The following MUC22 variants were observed in gnomAD, a reference collection of about 807,000 sequenced individuals.
MUC22 encodes mucin-22.
In MUC22, 24 loss-of-function variants were observed where a neutral mutation model predicts 40.3. The ratio of observed to expected loss-of-function variants is 0.60; its 90% CI spans 0.43 to 0.84. The LOEUF is 0.84. Ranked by LOEUF, MUC22 falls within the 40% of genes least tolerant of loss-of-function variation. The pLI, the probability that MUC22 is intolerant of heterozygous loss-of-function variation, is 0.00. For synonymous variants in MUC22, 765 were observed against 844.5 expected (o/e 0.91, Z 1.63); for missense variants, 1,926 against 2,130.7 (o/e 0.90, Z 1.89).
intron 1 of MUC22, among the ~76,000 whole-genome samples, chr6:31,023,996 T>C (rs1581639344): frequency 6.6e-6 from 1 of 152,306 alleles, no homozygotes; most frequent in Non-Finnish European, 1.5e-5. Flanking sequence ...TGTCACCTGA[T>C]AGTATGCAAA....
chr6:31,007,663 A>G (rs2517402), upstream of MUC22, among the ~76,000 whole-genome samples: 22,440 of 152,114 alleles, frequency 0.15, 1,715 homozygotes, highest in Admixed American at 0.2. This position sits in a 1 kb window ranked among gnomAD's most constrained non-coding sequence, Gnocchi z 4.0. Context: ...CAGGTCATTC[A>G]AGGGCGAATT....
At chr6:31,017,625 G>A (rs1764325597) in intron 1 of MUC22, among the ~76,000 whole-genome samples, 1 of 152,190 alleles carries the variant, frequency 6.6e-6, no homozygotes, top group Non-Finnish European at 1.5e-5. Flanking sequence ...TATAGCTCAA[G>A]GTTTGTAAAT....
chr6:31,026,343 C>T lies in MUC22; in HGVS notation c.912C>T (p.Gly304=), dbSNP rs1296556961. The change falls in exon 2 of 4, where the codon GGC becomes GGT. Residue 304 remains glycine, a synonymous_variant. Transcript: ENST00000561890. ...AGACCACCACCCCCTCCCCCACAGG[C>T]TCTCAGACCACCATAGTCTCTATTT... 4.6e-5 allele frequency: 70 copies of T among 1,508,542 alleles called. 7 individuals are homozygous for T. Among genetic ancestry groups the T allele is most frequent in the Non-Finnish European group, 6.0e-5 (68 of 1,129,362 alleles). 93.4% of individuals were successfully genotyped at this position (1,508,542 alleles called of 1,614,324 possible). A position where few individuals can be genotyped will look rare whatever the true frequency, so the allele number is the denominator to read the frequency against.
exon 2 of MUC22, chr6:31,028,427 C>G: frequency 3.3e-6 from 5 of 1,532,626 alleles, no homozygotes; most frequent in African/African-American, 1.4e-5. Context: ...ACAGCCTCTA[C>G]TGAAGGCTCC....
Position 31,032,253 on chromosome 6 carries a change from G to C in MUC22, c.4727G>C (p.Gly1576Ala). 2.0e-6 allele frequency: 3 copies of C among 1,535,662 alleles called. No homozygotes were observed. The highest frequency in any genetic ancestry group is 1.7e-4 in the Middle Eastern group (1 of 5,988). The change falls in exon 3 of 4, where the codon GGA (glycine) becomes GCA (alanine). Residue 1576 changes from glycine (G) to alanine (A), a missense_variant. Transcript: ENST00000561890. This position sits in a 1 kb window ranked among gnomAD's most constrained non-coding sequence, Gnocchi z 4.1. The stretch of plus-strand genomic sequence containing the variant: ...TCCAGCTCTGTCACCATGGCCCCTG[G>C]AATGGACTTCACGGCCTCTGCTGCC...
At chr6:31,019,546 A>G (rs1244112769) in intron 1 of MUC22, among the ~76,000 whole-genome samples, 1 of 152,224 alleles carries the variant, frequency 6.6e-6, no homozygotes, top group Non-Finnish European at 1.5e-5. Flanking sequence ...GCAGTGGCCC[A>G]GAGAAGGATA....
intron 2 of MUC22, among the ~76,000 whole-genome samples, chr6:31,030,869 A>G (rs73727170): frequency 0.05 from 7,616 of 152,264 alleles, 403 homozygotes; most frequent in African/African-American, 0.13. Context: ...GTTTTACTGG[A>G]ACATAGTCAT....
intron 1 of MUC22, among the ~76,000 whole-genome samples, chr6:31,018,035 G>C (rs547578786): frequency 6.6e-6 from 1 of 152,190 alleles, no homozygotes; most frequent in African/African-American, 2.4e-5. Flanking sequence ...CTGAACATCA[G>C]AAGGAACAAA....
At chr6:31,014,776 A>G (rs28360978) in intron 1 of MUC22, among the ~76,000 whole-genome samples, 7,397 of 152,280 alleles carry the variant, frequency 0.049, 226 homozygotes, top group South Asian at 0.12. Context: ...CGTCTTCAAC[A>G]TATGGTTTCC....
chr6:31,027,826 T>G (rs866076364), exon 2 of MUC22: 2 of 1,534,520 alleles, frequency 1.3e-6, no homozygotes, highest in African/African-American at 2.7e-5. Flanking sequence ...CACTACAGTT[T>G]CCACCACAGG....
chr6:31,023,866 T>C (rs9394031), intron 1 of MUC22, among the ~76,000 whole-genome samples: 16,752 of 152,130 alleles, frequency 0.11, 1,213 homozygotes, highest in East Asian at 0.33. Context: ...AGACATTTCA[T>C]AATTATAATC....
intron 1 of MUC22, among the ~76,000 whole-genome samples, chr6:31,021,056 C>T (rs1158188714): frequency 1.3e-5 from 2 of 152,256 alleles, no homozygotes; most frequent in Admixed American, 6.5e-5. Flanking sequence ...GCGCCGCCCC[C>T]TGCTCCAGGG....
At chr6:31,028,396 A>T in exon 2 of MUC22, 2 of 1,515,320 alleles carry the variant, frequency 1.3e-6, no homozygotes, top group South Asian at 2.6e-5. Flanking sequence ...CACAGCCTCT[A>T]CTGAAGGCTC....
chr6:31,026,108 C>T (rs1282609559), exon 2 of MUC22: 1 of 1,531,730 alleles, frequency 6.5e-7, no homozygotes, highest in Non-Finnish European at 8.7e-7. Context: ...TCTGAGACCA[C>T]CACTACCTCC....
At chr6:31,006,610 T>G (rs1322893496), upstream of MUC22, among the ~76,000 whole-genome samples, 2 of 152,196 alleles carry the variant, frequency 1.3e-5, no homozygotes, top group Non-Finnish European at 2.9e-5. Flanking sequence ...ATGGGACCTC[T>G]GTACTTACCA....
intron 1 of MUC22, among the ~76,000 whole-genome samples, chr6:31,021,319 C>A (rs1233755776): frequency 2.6e-5 from 4 of 152,018 alleles, no homozygotes; most frequent in Admixed American, 2.6e-4. Context: ...CTGGTAGGGC[C>A]TTGGAGAACC....
chr6:31,032,214 C>G lies in MUC22; in HGVS notation c.4688C>G (p.Thr1563Ser). The G allele has an allele frequency of 6.5e-7, 1 of 1,534,700 alleles. No individual in the cohort carries two copies. The highest frequency in any genetic ancestry group is 2.0e-5 in the Admixed American group (1 of 50,948). ...TTCATAGGCACCAGAACCACTGGAACCAGACTCACTGCCTCCAGCTCTGTC... is the reference window on the plus strand; with the variant it reads ...TTCATAGGCACCAGAACCACTGGAAGCAGACTCACTGCCTCCAGCTCTGTC... Residue 1563 changes from threonine to serine, a missense_variant, in exon 3 of 4, where the codon ACC becomes AGC. This residue lies in a region of MUC22 where 610 missense variants were observed against 714.6 expected (regional missense o/e 0.85). Coordinates refer to ENST00000561890, the Ensembl canonical transcript of MUC22. This position sits in a 1 kb window ranked among gnomAD's most constrained non-coding sequence, Gnocchi z 4.1.
chr6:31,027,862 G>A lies in MUC22; in HGVS notation c.2431G>A (p.Glu811Lys), dbSNP rs1016727279. ...CTTGGAGACCACCACCACTTCCACT[G>A]AAGGCTCTGAGATGACTACAGTCTC... is the stretch of plus-strand genomic sequence containing the variant. The change falls in exon 2 of 4, where the codon GAA (glutamate) becomes AAA (lysine). Residue 811 changes from glutamate (E) to lysine (K), a missense_variant. Coordinates refer to ENST00000561890, the Ensembl canonical transcript of MUC22. The A allele has an allele frequency of 3.9e-6, 6 of 1,533,658 alleles. No individual in the cohort carries two copies. Among genetic ancestry groups the A allele is most frequent in the Non-Finnish European group, 5.2e-6 (6 of 1,146,464 alleles).
intron 2 of MUC22, among the ~76,000 whole-genome samples, chr6:31,031,306 C>T (rs1462606484): frequency 6.6e-6 from 1 of 152,138 alleles, no homozygotes; most frequent in Non-Finnish European, 1.5e-5. Context: ...CCCAAGCACA[C>T]TCACCTCACC....
Sources: gnomAD v4.1 joint callset for allele counts (sites outside exome capture counted in the v4.1 genomes callset) on GRCh38, gnomAD v4.1.1 for gene constraint, gnomAD v4.1.1 regional missense constraint, Gnocchi (gnomAD v3.1) non-coding constraint, MANE v1.5 for transcripts, NCBI Gene and HGNC (gene_info 2026-07-23, HGNC 2026-07-21) for gene names.